SLC14A2: variants seen among roughly 807,000 people sequenced by gnomAD.
SLC14A2 encodes solute carrier family 14 member 2, also known as urea transporter 2.
A neutral mutation model predicts 104.6 loss-of-function variants in SLC14A2; 91 were observed. That is an observed-to-expected ratio of 0.87 (90% CI 0.73 to 1.04). SLC14A2 has a LOEUF of 1.04. SLC14A2 is among the 50% of genes least tolerant of loss of function. SLC14A2 has a pLI of 0.00. For synonymous variants in SLC14A2, 476 were observed against 466.4 expected (o/e 1.02, Z -0.27); for missense variants, 1,189 against 1,156.0 (o/e 1.03, Z -0.41).
intron 1 of SLC14A2, among the ~76,000 whole-genome samples, chr18:45,381,875 A>G (rs2085839691): frequency 6.6e-6 from 1 of 152,054 alleles, no homozygotes; most frequent in Non-Finnish European, 1.5e-5. Context: ...TGGACAGGAG[A>G]ACCATTTTAC....
At chr18:45,280,891 C>T (rs562556729) in intron 1 of SLC14A2, among the ~76,000 whole-genome samples, 6 of 152,154 alleles carry the variant, frequency 3.9e-5, no homozygotes, top group Non-Finnish European at 8.8e-5. Context: ...ATCCCAGCAT[C>T]GCTGTGCCTT....
chr18:45,331,414 G>A (rs889336509), intron 1 of SLC14A2, among the ~76,000 whole-genome samples: 14 of 152,146 alleles, frequency 9.2e-5, no homozygotes, highest in Admixed American at 5.2e-4. Flanking sequence ...AATCCTGGCC[G>A]GGTGTGGTGG....
intron 2 of SLC14A2, among the ~76,000 whole-genome samples, chr18:45,553,914 A>G (rs189724980): frequency 7.2e-5 from 11 of 152,316 alleles, no homozygotes; most frequent in African/African-American, 2.6e-4. Flanking sequence ...AACGCCATAC[A>G]AGGGTTCCCA....
At position 45,285,860 on chromosome 18, in the gene SLC14A2, T is replaced by C. The variant is rs746843331; in HGVS notation, c.-125+72669T>C. On this transcript the variant is annotated intron_variant, in intron 1 of 20. Transcript: ENST00000586448. ...CTGATTGGAGGACTCTGCACTACAT[T>C]TCCTCAGAACAGTGGTTCTCAGCCA... Among the ~76,000 whole-genome samples, 3 of 152,146 alleles carry C rather than the reference T, an allele frequency of 2.0e-5. 1 individual carries two copies. Among genetic ancestry groups the C allele is most frequent in the Non-Finnish European group, 4.4e-5 (3 of 68,014 alleles).
At chr18:45,641,765 A>G (rs1291396906) in intron 8 of SLC14A2, among the ~76,000 whole-genome samples, 1 of 152,208 alleles carries the variant, frequency 6.6e-6, no homozygotes, top group Non-Finnish European at 1.5e-5. Flanking sequence ...TGCACAAATA[A>G]TTACTAAGGC....
intron 18 of SLC14A2, among the ~76,000 whole-genome samples, chr18:45,676,760 C>T (rs1237879435): frequency 6.6e-6 from 1 of 152,188 alleles, no homozygotes; most frequent in Non-Finnish European, 1.5e-5. Flanking sequence ...TTAATCTTCC[C>T]TCCAGCCCCA....
chr18:45,363,855 G>A (rs191500016), intron 1 of SLC14A2, among the ~76,000 whole-genome samples: 63 of 152,200 alleles, frequency 4.1e-4, no homozygotes, highest in Non-Finnish European at 4.6e-4. Flanking sequence ...ACCTCCTCAG[G>A]CCTCACTTCT....
At chr18:45,644,364 G>C in intron 10 of SLC14A2, 1 of 499,288 alleles carries the variant, frequency 2.0e-6, no homozygotes, top group Non-Finnish European at 3.5e-6. Context: ...TCTATTGTGC[G>C]ACATTAAGGG....
At chr18:45,672,498 C>T (rs548852498) in intron 16 of SLC14A2, among the ~76,000 whole-genome samples, 8 of 150,822 alleles carry the variant, frequency 5.3e-5, no homozygotes, top group African/African-American at 2.0e-4. Flanking sequence ...CATTGCACTC[C>T]AGCCTGGGCA....
chr18:45,440,649 G>C (rs1223518531), intron 1 of SLC14A2, among the ~76,000 whole-genome samples: 1 of 152,126 alleles, frequency 6.6e-6, no homozygotes, highest in Admixed American at 6.6e-5. Flanking sequence ...TGGAGTCCTG[G>C]CACTATCACT....
chr18:45,459,527 C>A (rs1453420055), intron 1 of SLC14A2, among the ~76,000 whole-genome samples: 1 of 152,208 alleles, frequency 6.6e-6, no homozygotes, highest in Non-Finnish European at 1.5e-5. Flanking sequence ...CAGCACACCA[C>A]CTCCTTGTCT....
intron 1 of SLC14A2, among the ~76,000 whole-genome samples, chr18:45,215,523 C>T (rs938976189): frequency 2.0e-5 from 3 of 152,140 alleles, no homozygotes; most frequent in African/African-American, 7.2e-5. Context: ...GTGAATGTTG[C>T]TTCATCACAT....
intron 2 of SLC14A2, among the ~76,000 whole-genome samples, chr18:45,533,913 T>C (rs546350199): frequency 6.6e-6 from 1 of 152,286 alleles, no homozygotes; most frequent in East Asian, 1.9e-4. Context: ...AATGACTAAA[T>C]CTGGCTCAGT....
chr18:45,545,581 G>A (rs2043956805), intron 2 of SLC14A2, among the ~76,000 whole-genome samples: 1 of 152,184 alleles, frequency 6.6e-6, no homozygotes, highest in African/African-American at 2.4e-5. Context: ...TAATTATCAA[G>A]AAACACGCCA....
chr18:45,352,574 T>A (rs2085514051), intron 1 of SLC14A2, among the ~76,000 whole-genome samples: 1 of 152,150 alleles, frequency 6.6e-6, no homozygotes, highest in Non-Finnish European at 1.5e-5. Flanking sequence ...AAGGGCAGAT[T>A]TGATCCTTGC....
At chr18:45,312,341 G>A (rs1438728729) in intron 1 of SLC14A2, among the ~76,000 whole-genome samples, 1 of 151,916 alleles carries the variant, frequency 6.6e-6, no homozygotes, top group Non-Finnish European at 1.5e-5. Context: ...GGTCTTAGAT[G>A]TGGCAAGATC....
At chr18:45,427,312 C>T (rs1266396975) in intron 1 of SLC14A2, among the ~76,000 whole-genome samples, 1 of 152,008 alleles carries the variant, frequency 6.6e-6, no homozygotes, top group Non-Finnish European at 1.5e-5. Context: ...TGGCTCTCAC[C>T]CTGGCTCTGT....
chr18:45,663,153 A>G (rs556144696), intron 10 of SLC14A2, among the ~76,000 whole-genome samples: 1 of 152,306 alleles, frequency 6.6e-6, no homozygotes, highest in East Asian at 1.9e-4. Flanking sequence ...GTTAAAATAC[A>G]GATTCTGATT....
intron 1 of SLC14A2, among the ~76,000 whole-genome samples, chr18:45,371,511 A>C (rs1456570134): frequency 1.3e-5 from 2 of 152,326 alleles, no homozygotes; most frequent in South Asian, 2.1e-4. Context: ...GATATCATTC[A>C]ATCCTTTTGC....
Sources: allele counts gnomAD v4.1 joint callset (sites outside exome capture counted in the v4.1 genomes callset), GRCh38; gene constraint gnomAD v4.1.1; transcripts MANE v1.5; gene names NCBI Gene and HGNC (gene_info 2026-07-23, HGNC 2026-07-21).